Variants in SLC35F1 observed in about 807,000 individuals in gnomAD.
The protein encoded by SLC35F1 is solute carrier family 35 member F1.
In SLC35F1, 14 loss-of-function variants were observed where a neutral mutation model predicts 48.7. The observed-to-expected ratio is 0.29, with a 90% CI of 0.19 to 0.45. SLC35F1 has a LOEUF of 0.45. Ranked by LOEUF, SLC35F1 falls within the 20% of genes least tolerant of loss-of-function variation. The pLI is 1.00. For synonymous variants in SLC35F1, 190 were observed against 202.2 expected (o/e 0.94, Z 0.51); for missense variants, 404 against 500.0 (o/e 0.81, Z 1.83).
At chr6:117,978,985 C>G (rs1391712756) in intron 1 of SLC35F1, among the ~76,000 whole-genome samples, 1 of 152,182 alleles carries the variant, frequency 6.6e-6, no homozygotes, top group African/African-American at 2.4e-5. Flanking sequence ...AGCCACAACT[C>G]TTGCCTGAAC....
chr6:118,006,345 G>T (rs1303283812), intron 1 of SLC35F1, among the ~76,000 whole-genome samples: 1 of 152,112 alleles, frequency 6.6e-6, no homozygotes, highest in African/African-American at 2.4e-5. Flanking sequence ...GGCCAGGTGT[G>T]GTGGCACATA....
chr6:118,305,047 AATGTGTGTGTGT>A (rs1180667322), intron 7 of SLC35F1, among the ~76,000 whole-genome samples: 1 of 68,682 alleles, frequency 1.5e-5, no homozygotes, highest in African/African-American at 5.8e-5. Flanking sequence ...AATCAACAGG[AATGTGTGTGTGT>A]GTGTGTGTGT....
chr6:117,934,699 ACT>A (rs1385712612), intron 1 of SLC35F1, among the ~76,000 whole-genome samples: 6 of 152,210 alleles, frequency 3.9e-5, no homozygotes, highest in East Asian at 3.9e-4. Flanking sequence ...ATATAAATAA[ACT>A]CTTTTCTGAT....
chr6:118,004,815 C>T lies in SLC35F1; in HGVS notation c.173+96916C>T, dbSNP rs145322743. ...CCTCCCGCCTTGGCCTCTCAAAGTG[C>T]TGAGGAATACAGGCAAGCCAATATC... On this transcript the variant is annotated intron_variant, in intron 1 of 7. Coordinates refer to ENST00000360388, the MANE Select transcript of SLC35F1 (RefSeq NM_001029858.4). 1.5e-3 allele frequency among the ~76,000 whole-genome samples: 235 copies of T among 151,892 alleles called. 1 individual carries two copies. Among genetic ancestry groups the T allele is most frequent in the African/African-American group, 5.5e-3 (226 of 41,408 alleles).
chr6:118,260,171 T>TA (rs1775694967), intron 3 of SLC35F1, among the ~76,000 whole-genome samples: 3 of 152,076 alleles, frequency 2.0e-5, no homozygotes, highest in Admixed American at 2.0e-4. Flanking sequence ...TCAGAATAGG[T>TA]AAATCCATAG....
At chr6:117,927,166 C>T (rs1399156320) in intron 1 of SLC35F1, among the ~76,000 whole-genome samples, 2 of 152,152 alleles carry the variant, frequency 1.3e-5, no homozygotes, top group African/African-American at 4.8e-5. Flanking sequence ...TAGTTCTTGG[C>T]ACCATGCCTG....
At chr6:118,029,043 A>G (rs1772001201) in intron 1 of SLC35F1, among the ~76,000 whole-genome samples, 1 of 152,148 alleles carries the variant, frequency 6.6e-6, no homozygotes, top group Non-Finnish European at 1.5e-5. Context: ...TAAAGGCCAG[A>G]TAAGAAACAA....
intron 7 of SLC35F1, among the ~76,000 whole-genome samples, chr6:118,300,061 A>G (rs963773201): frequency 1.3e-5 from 2 of 152,200 alleles, no homozygotes; most frequent in Non-Finnish European, 2.9e-5. Flanking sequence ...TTGTTAGTAC[A>G]ATCAGCCCTC....
intron 3 of SLC35F1, among the ~76,000 whole-genome samples, chr6:118,252,768 G>A (rs1025547793): frequency 2.6e-5 from 4 of 152,202 alleles, no homozygotes; most frequent in African/African-American, 9.6e-5. Flanking sequence ...AGCAGGCTGA[G>A]GAGAGGCTAG....
chr6:118,074,419 A>G (rs1196608943), intron 1 of SLC35F1, among the ~76,000 whole-genome samples: 1 of 152,112 alleles, frequency 6.6e-6, no homozygotes, highest in African/African-American at 2.4e-5. Flanking sequence ...GACCTCCTCA[A>G]ATCAGTGTGA....
chr6:118,287,175 C>G (rs1028815054), intron 7 of SLC35F1, among the ~76,000 whole-genome samples: 3 of 152,162 alleles, frequency 2.0e-5, no homozygotes, highest in Non-Finnish European at 2.9e-5. Context: ...CTAACCAGTG[C>G]TGGGAAGACC....
intron 5 of SLC35F1, among the ~76,000 whole-genome samples, chr6:118,275,896 T>A (rs762000966): frequency 6.6e-5 from 10 of 152,228 alleles, no homozygotes; most frequent in African/African-American, 2.2e-4. Context: ...CTGAAATCCA[T>A]GAGTGGGTTA....
At chr6:118,285,616 T>C (rs1233908753) in intron 7 of SLC35F1, among the ~76,000 whole-genome samples, 1 of 152,218 alleles carries the variant, frequency 6.6e-6, no homozygotes, top group Admixed American at 6.5e-5. Context: ...CCTGATAGCA[T>C]TCAGCCCAGA....
At chr6:117,988,211 C>G (rs1776872951) in intron 1 of SLC35F1, among the ~76,000 whole-genome samples, 1 of 152,072 alleles carries the variant, frequency 6.6e-6, no homozygotes, top group Non-Finnish European at 1.5e-5. Context: ...AGTGAATGAA[C>G]TTGGTGTAGG....
chr6:118,217,626 C>T (rs140170585), intron 2 of SLC35F1, among the ~76,000 whole-genome samples: 138 of 152,120 alleles, frequency 9.1e-4, no homozygotes, highest in Non-Finnish European at 1.5e-3. Context: ...GTAAATGTTA[C>T]GCTGTGTATA....
intron 3 of SLC35F1, among the ~76,000 whole-genome samples, chr6:118,237,430 C>G (rs1016758752): frequency 3.9e-5 from 6 of 151,926 alleles, no homozygotes; most frequent in Admixed American, 6.6e-5. Flanking sequence ...ACTTTGTTAC[C>G]CAGGCTGGAG....
chr6:118,272,735 G>GTGTATATATATATACATATATATATA (rs1775869348), intron 4 of SLC35F1, among the ~76,000 whole-genome samples: 1 of 114,092 alleles, frequency 8.8e-6, no homozygotes, highest in Non-Finnish European at 1.7e-5. Context: ...ATATATGTGT[G>GTGTATATATATATACATATATATATA]TGTATATATA....
chr6:118,121,100 T>C (rs942593347), intron 1 of SLC35F1, among the ~76,000 whole-genome samples: 1 of 152,206 alleles, frequency 6.6e-6, no homozygotes, highest in Non-Finnish European at 1.5e-5. Context: ...TTTAGAGTTA[T>C]GAGCTATCAA....
intron 1 of SLC35F1, among the ~76,000 whole-genome samples, chr6:117,965,880 C>G (rs993628229): frequency 1.3e-5 from 2 of 152,070 alleles, no homozygotes; most frequent in Non-Finnish European, 2.9e-5. Flanking sequence ...AGCGCTATGT[C>G]TAACTGATCG....
Sources: allele counts gnomAD v4.1 joint callset (sites outside exome capture counted in the v4.1 genomes callset), GRCh38; gene constraint gnomAD v4.1.1; transcripts MANE v1.5; gene names NCBI Gene and HGNC (gene_info 2026-07-23, HGNC 2026-07-21).